The following ATP8B2 variants were observed in gnomAD, a reference collection of about 807,000 sequenced individuals.
The protein encoded by ATP8B2 is phospholipid-transporting ATPase ID.
A neutral mutation model predicts 133.4 loss-of-function variants in ATP8B2; 70 were observed. The observed-to-expected ratio is 0.52, with a 90% CI of 0.43 to 0.64. The LOEUF is 0.64. Ranked by LOEUF, ATP8B2 falls within the 30% of genes least tolerant of loss-of-function variation. The pLI, the probability that ATP8B2 is intolerant of heterozygous loss-of-function variation, is 0.00. For synonymous variants in ATP8B2, 517 were observed against 589.5 expected, an observed-to-expected ratio of 0.88 and a Z score of 1.78; for missense variants, 1,101 against 1,535.7, an observed-to-expected ratio of 0.72 and a Z score of 4.73.
Position 154,345,118 on chromosome 1 carries a change from A to G in ATP8B2, c.2434A>G (p.Ile812Val), listed in dbSNP as rs761877647. ...KKYKKAVTLA[I>V]GDGANDVSMI... ...GTACAAGAAGGCTGTGACGCTTGCC[A>G]TTGGAGACGGAGCCAATGATGTCAG... Residue 812 changes from isoleucine to valine, a missense_variant, in exon 22 of 28, where the codon ATT becomes GTT. Transcript: ENST00000368489. The surrounding 1 kb of genome is among the most constrained non-coding windows in gnomAD (Gnocchi z 5.6). The G allele has an allele frequency of 1.2e-5, 20 of 1,614,170 alleles. No individual in the cohort carries two copies. The highest frequency in any genetic ancestry group is 1.7e-5 in the Non-Finnish European group (20 of 1,180,010).
chr1:154,326,131 C>T (rs1456816752), intron 1 of ATP8B2, among the ~76,000 whole-genome samples: 1 of 152,068 alleles, frequency 6.6e-6, no homozygotes, highest in Non-Finnish European at 1.5e-5. Context: ...AGGTGGAGGT[C>T]TATGCCTGAG....
rs142928054 is a variant in ATP8B2 at position 154,342,913 on chromosome 1, C to T, written c.1405C>T (p.Arg469Cys). ...GGACCCCCACACGCATGAGTTCTTC[C>T]GCCTCCTTTCCCTGTGTCATACTGT... The part of the protein sequence containing the change: ...IGDPHTHEFF[R>C]LLSLCHTVMS... The change falls in exon 15 of 28, where the codon CGC becomes TGC. Residue 469 changes from arginine to cysteine, a missense_variant. Arg to Cys is a radical substitution (Grantham distance 180). Coordinates refer to ENST00000368489, the MANE Select transcript of ATP8B2 (RefSeq NM_001370597.1). 8.1e-6 allele frequency: 13 copies of T among 1,614,014 alleles called. No homozygotes were observed. Among genetic ancestry groups the T allele is most frequent in the Admixed American group, 1.7e-5 (1 of 60,004 alleles).
In ATP8B2 at chr1:154,332,024, G is replaced by C; in HGVS notation, c.509G>C (p.Gly170Ala). The C allele has an allele frequency of 6.2e-7, 1 of 1,613,152 alleles. No individual in the cohort carries two copies. Among genetic ancestry groups the C allele is most frequent in the Non-Finnish European group, 8.5e-7 (1 of 1,179,084 alleles). The change falls in exon 8 of 28, where the codon GGC becomes GCC. Residue 170 changes from glycine (G) to alanine (A), a missense_variant and splice_region_variant. Transcript: ENST00000368489. ...TACATAGAGACAGCAGAACTTGATG[G>C]GTAAGTGGCATGCTCAGTGTCAGCC... ...LCYIETAELD[G>A]ETNMKVRQAI...
At position 154,346,136 on chromosome 1, in the gene ATP8B2, A is replaced by G; in HGVS notation, c.2779-95A>G. The G allele has an allele frequency of 2.0e-6, 3 of 1,517,766 alleles. No homozygotes were observed. The highest frequency in any genetic ancestry group is 2.5e-5 in the South Asian group (2 of 79,768). The allele number at this position is 1,517,766 out of a possible 1,614,324, so 94.0% of individuals were successfully genotyped here. A position where few individuals can be genotyped will look rare whatever the true frequency, so the allele number is the denominator to read the frequency against. On this transcript the variant is annotated intron_variant, in intron 24 of 27. Coordinates refer to ENST00000368489, the MANE Select transcript of ATP8B2 (RefSeq NM_001370597.1). The surrounding 1 kb of genome is among the most constrained non-coding windows in gnomAD (Gnocchi z 4.5). ...CTAGCTGCCAAAGACTTTGGAAAGG[A>G]GGAGGCAGGGACAGAGTCAGAGTCT... is the stretch of plus-strand genomic sequence containing the variant.
Position 154,343,471 on chromosome 1 carries a change from A to G in ATP8B2, c.1661A>G (p.Lys554Arg), listed in dbSNP as rs752835020. 6.2e-7 allele frequency: 1 copy of G among 1,614,076 alleles called. No homozygotes were observed. The highest frequency in any genetic ancestry group is 2.2e-5 in the East Asian group (1 of 44,876). ...MSVIVRNPEGKIRLYCKGADT... is the reference protein window; with the variant it reads ...MSVIVRNPEGRIRLYCKGADT... ...TTCATAGTGCGGAATCCAGAGGGGA[A>G]GATCCGACTCTACTGCAAAGGGGCT... The change falls in exon 17 of 28, where the codon AAG becomes AGG. Residue 554 changes from lysine (K) to arginine (R), a missense_variant. Coordinates refer to ENST00000368489, the MANE Select transcript of ATP8B2 (RefSeq NM_001370597.1). This position sits in a 1 kb window ranked among gnomAD's most constrained non-coding sequence, Gnocchi z 5.8.
chr1:154,341,213 G>GT, intron 13 of ATP8B2, 151 bp downstream of exon 13: 1 of 801,868 alleles, frequency 1.2e-6, no homozygotes, highest in Non-Finnish European at 2.1e-6. Flanking sequence ...GGCCAGGCAC[G>GT]GTGGCTCATG....
Position 154,346,343 on chromosome 1 carries a change from C to T in ATP8B2, c.2891C>T (p.Thr964Ile), listed in dbSNP as rs1558275710. ...ATCTGCATCGCCCAGGGCATCTACA[C>T]CTCCGTGCTCATGTTCTTCATTCCC... ...FFICIAQGIY[T>I]SVLMFFIPYG... is the part of the protein sequence containing the mutation. The change falls in exon 25 of 28, where the codon ACC becomes ATC. Residue 964 changes from threonine to isoleucine, a missense_variant. Thr to Ile is a moderately conservative substitution (Grantham distance 89). Coordinates refer to ENST00000368489, the MANE Select transcript of ATP8B2 (RefSeq NM_001370597.1). The surrounding 1 kb of genome is among the most constrained non-coding windows in gnomAD (Gnocchi z 4.5). The T allele has an allele frequency of 1.2e-6, 2 of 1,614,216 alleles. No homozygotes were observed.
At chr1:154,339,846 G>A (rs868290661) in intron 12 of ATP8B2, among the ~76,000 whole-genome samples, 7 of 152,162 alleles carry the variant, frequency 4.6e-5, no homozygotes, top group Admixed American at 1.3e-4. Flanking sequence ...CAGTGCATAT[G>A]ATTAGCAAAG....
Position 154,345,982 on chromosome 1 carries a change from GC to G in ATP8B2, c.2778+101del. On this transcript the variant is annotated intron_variant, in intron 24 of 27. Coordinates refer to ENST00000368489, the MANE Select transcript of ATP8B2 (RefSeq NM_001370597.1). This position sits in a 1 kb window ranked among gnomAD's most constrained non-coding sequence, Gnocchi z 5.6. ...GTGACACTTGTGCCCATTTCCTGTG[GC>G]CACTGGGAAGGCAGTTCTTTCAGCC... 7.9e-7 allele frequency: 1 copy of G among 1,262,010 alleles called. No homozygotes were observed. 78.2% of individuals were successfully genotyped at this position (1,262,010 alleles called of 1,614,324 possible).
Position 154,331,846 on chromosome 1 carries a change from C to A in ATP8B2, c.439-108C>A. On this transcript the variant is annotated intron_variant, in intron 7 of 27. Coordinates refer to ENST00000368489, the MANE Select transcript of ATP8B2 (RefSeq NM_001370597.1). The surrounding 1 kb of genome is among the most constrained non-coding windows in gnomAD (Gnocchi z 4.8). ...ATATGCCTGGAACTAGCCATTTATGCACCTGGAACTAAGCAAACCAAGAAT... is the reference window on the plus strand; with the variant it reads ...ATATGCCTGGAACTAGCCATTTATGAACCTGGAACTAAGCAAACCAAGAAT... The A allele has an allele frequency of 7.5e-7, 1 of 1,337,022 alleles. No homozygotes were observed. Among genetic ancestry groups the A allele is most frequent in the Non-Finnish European group, 1.1e-6 (1 of 933,604 alleles). 82.8% of individuals were successfully genotyped at this position (1,337,022 alleles called of 1,614,324 possible).
Position 154,343,828 on chromosome 1 carries a change from T to G in ATP8B2, c.1759-65T>G. 6.6e-7 allele frequency: 1 copy of G among 1,525,300 alleles called. No homozygotes were observed. The highest frequency in any genetic ancestry group is 8.9e-7 in the Non-Finnish European group (1 of 1,129,532). The allele number at this position is 1,525,300 out of a possible 1,614,324, so 94.5% of individuals were successfully genotyped here. ...GTCTACAGTGCAGGATTATTCATTG[T>G]CGCCCTCACGCTGTCCATTAGCTCT... On this transcript the variant is annotated intron_variant, in intron 17 of 27. Coordinates refer to ENST00000368489, the MANE Select transcript of ATP8B2 (RefSeq NM_001370597.1). This position sits in a 1 kb window ranked among gnomAD's most constrained non-coding sequence, Gnocchi z 5.8.
chr1:154,331,267 G>A lies in ATP8B2; in HGVS notation c.303+121G>A, dbSNP rs181684774. The A allele has an allele frequency of 2.5e-4, 279 of 1,105,952 alleles. 1 individual carries two copies. The African/African-American group carries it at 3.4e-3, about 13-fold the overall frequency. The allele number at this position is 1,105,952 out of a possible 1,614,324, so 68.5% of individuals were successfully genotyped here. A position where few individuals can be genotyped will look rare whatever the true frequency, so the allele number is the denominator to read the frequency against. ...TTGGTGACCTTGACATCCCTTACCC[G>A]GTCCAGCTAGATCCATGATGTCTTT... On this transcript the variant is annotated intron_variant, in intron 5 of 27. Coordinates refer to ENST00000368489, the MANE Select transcript of ATP8B2 (RefSeq NM_001370597.1). The surrounding 1 kb of genome is among the most constrained non-coding windows in gnomAD (Gnocchi z 4.8).
intron 11 of ATP8B2, 103 bp from the exon 12 acceptor site, chr1:154,337,245 A>G: frequency 7.3e-7 from 1 of 1,365,192 alleles, no homozygotes; most frequent in South Asian, 1.4e-5. Flanking sequence ...GCACTAGAGC[A>G]TCTGAGCTTT....
chr1:154,340,576 C>T lies in ATP8B2; in HGVS notation c.1035-278C>T, dbSNP rs1686345354. On this transcript the variant is annotated intron_variant, in intron 12 of 27. Coordinates refer to ENST00000368489, the MANE Select transcript of ATP8B2 (RefSeq NM_001370597.1). This position sits in a 1 kb window ranked among gnomAD's most constrained non-coding sequence, Gnocchi z 4.0. The stretch of plus-strand genomic sequence containing the variant: ...CTGGCCGAGTGCCTTGTCTACAGCC[C>T]CTTTTCCTCCTTTGCTGTCTGTCCT... 10 of 488,616 alleles carry T rather than the reference C, an allele frequency of 2.0e-5. No homozygotes were observed. Among genetic ancestry groups the T allele is most frequent in the Non-Finnish European group, 3.4e-5 (9 of 261,296 alleles). 30.3% of individuals were successfully genotyped at this position (488,616 alleles called of 1,614,324 possible).
intron 2 of ATP8B2, among the ~76,000 whole-genome samples, chr1:154,330,060 A>C (rs1685929311): frequency 6.6e-6 from 1 of 152,194 alleles, no homozygotes; most frequent in African/African-American, 2.4e-5. Context: ...CATTAGTAAT[A>C]GCAGCAAAAG....
In ATP8B2 at chr1:154,334,443, G is replaced by T; in HGVS notation, c.749-60G>T. ...GGTGTCCTGCAGTCTGGGGATCAGG[G>T]CAGAAGCCCAGAGGCAGATGTGTTA... is the stretch of plus-strand genomic sequence containing the variant. On this transcript the variant is annotated intron_variant, in intron 10 of 27. Transcript: ENST00000368489. This position sits in a 1 kb window ranked among gnomAD's most constrained non-coding sequence, Gnocchi z 4.6. 1 of 1,577,366 alleles carries T rather than the reference G, an allele frequency of 6.3e-7. No individual in the cohort carries two copies. The highest frequency in any genetic ancestry group is 1.1e-5 in the South Asian group (1 of 89,630).
At chr1:154,348,366 G>A in intron 26 of ATP8B2, 42 bp from the exon 27 acceptor site, 1 of 1,569,818 alleles carries the variant, frequency 6.4e-7, no homozygotes, top group Non-Finnish European at 8.7e-7. Flanking sequence ...GGGAATGTCT[G>A]CCTCGTGACT....
rs1570871348 is a variant in ATP8B2 at position 154,345,651 on chromosome 1, C to T, written c.2694+106C>T. On this transcript the variant is annotated intron_variant, in intron 23 of 27. Transcript: ENST00000368489. This position sits in a 1 kb window ranked among gnomAD's most constrained non-coding sequence, Gnocchi z 5.6. ...CCCAGGGCCTAGCTATTTTCTGGTACATACTCTTAAAAAATGCTTATTAAA... is the reference window on the plus strand; with the variant it reads ...CCCAGGGCCTAGCTATTTTCTGGTATATACTCTTAAAAAATGCTTATTAAA... 2 of 1,328,264 alleles carry T rather than the reference C, an allele frequency of 1.5e-6. No homozygotes were observed. The highest frequency in any genetic ancestry group is 1.9e-4 in the Middle Eastern group (1 of 5,344). The allele number at this position is 1,328,264 out of a possible 1,614,324, so 82.3% of individuals were successfully genotyped here. A position where few individuals can be genotyped will look rare whatever the true frequency, so the allele number is the denominator to read the frequency against.
In ATP8B2 at chr1:154,334,029, A is replaced by G; in HGVS notation, c.590-78A>G. 1.3e-6 allele frequency: 2 copies of G among 1,545,874 alleles called. No individual in the cohort carries two copies. Among genetic ancestry groups the G allele is most frequent in the Non-Finnish European group, 1.8e-6 (2 of 1,131,594 alleles). The stretch of plus-strand genomic sequence containing the variant: ...CCCTTGCATCCTCTTCGCTCAGCTC[A>G]TTTTCTCTTTGTTTTATTGTCTTGT... On this transcript the variant is annotated intron_variant, in intron 9 of 27. Transcript: ENST00000368489. This position sits in a 1 kb window ranked among gnomAD's most constrained non-coding sequence, Gnocchi z 4.6.
Sources: allele counts gnomAD v4.1 joint callset (sites outside exome capture counted in the v4.1 genomes callset), GRCh38; gene constraint gnomAD v4.1.1; non-coding constraint Gnocchi (gnomAD v3.1); transcripts MANE v1.5; gene names NCBI Gene and HGNC (gene_info 2026-07-23, HGNC 2026-07-21).